FCHO2: variants seen among roughly 807,000 people sequenced by gnomAD.
FCHO2 encodes the protein FCH and mu domain containing endocytic adaptor 2, also known as F-BAR domain only protein 2.
A neutral mutation model predicts 114.1 loss-of-function variants in FCHO2; 43 were observed. The observed-to-expected ratio is 0.38, with a 90% CI of 0.30 to 0.49. The LOEUF (loss-of-function observed/expected upper bound fraction) is 0.49, where lower values mean the gene tolerates loss of function less well. FCHO2 is among the 20% of genes least tolerant of loss of function. FCHO2 has a pLI of 0.97. For missense variants in FCHO2, 807 were observed against 950.4 expected (o/e 0.85, Z 1.98); for synonymous variants, 293 against 315.2 (o/e 0.93, Z 0.75).
intron 8 of FCHO2, among the ~76,000 whole-genome samples, chr5:73,018,210 C>T (rs1446538826): frequency 6.6e-6 from 1 of 152,182 alleles, no homozygotes; most frequent in Non-Finnish European, 1.5e-5. Context: ...ATTTCTTCTT[C>T]CCAAATTTCA....
intron 16 of FCHO2, 31 bp from the exon 17 acceptor site, chr5:73,058,402 A>C: frequency 6.8e-7 from 1 of 1,473,378 alleles, no homozygotes; most frequent in South Asian, 1.3e-5. Flanking sequence ...TATTCTCGTT[A>C]AAATTTTTGC....
intron 13 of FCHO2, among the ~76,000 whole-genome samples, chr5:73,053,632 G>A (rs1196885678): frequency 6.6e-6 from 1 of 151,700 alleles, no homozygotes; most frequent in Non-Finnish European, 1.5e-5. Context: ...TGAGGCGGAG[G>A]TTGAAGTGAG....
chr5:73,065,093 C>T (rs1030228031), intron 18 of FCHO2, among the ~76,000 whole-genome samples: 4 of 151,856 alleles, frequency 2.6e-5, no homozygotes, highest in East Asian at 1.9e-4. Flanking sequence ...TGAAAAGCTT[C>T]GGCACCAAGT....
At position 72,997,047 on chromosome 5, in the gene FCHO2, A is replaced by G; in HGVS notation, c.495+6183A>G. 4.5e-6 allele frequency: 6 copies of G among 1,343,610 alleles called. No individual in the cohort carries two copies. The East Asian group carries it at 9.2e-5, about 21-fold the overall frequency. The allele number at this position is 1,343,610 out of a possible 1,614,324, so 83.2% of individuals were successfully genotyped here. A position where few individuals can be genotyped will look rare whatever the true frequency, so the allele number is the denominator to read the frequency against. On this transcript the variant is annotated intron_variant, in intron 5 of 25. Transcript: ENST00000430046. The stretch of plus-strand genomic sequence containing the variant: ...ATTCAGCACCAAACTGTTCGATATG[A>G]TATCATCCCCTTATCTTCTTGTCCT...
intron 2 of FCHO2, among the ~76,000 whole-genome samples, chr5:72,973,406 C>G (rs1364507787): frequency 6.6e-6 from 1 of 152,116 alleles, no homozygotes; most frequent in Non-Finnish European, 1.5e-5. Flanking sequence ...TTCAGAGATT[C>G]AACTTCTTCC....
intron 8 of FCHO2, among the ~76,000 whole-genome samples, chr5:73,018,146 A>G (rs1029217252): frequency 6.6e-6 from 1 of 152,186 alleles, no homozygotes; most frequent in Non-Finnish European, 1.5e-5. Context: ...TTTGGGAACC[A>G]TATTTCCTCA....
chr5:73,014,892 C>T (rs1755216817), intron 6 of FCHO2, among the ~76,000 whole-genome samples: 1 of 151,654 alleles, frequency 6.6e-6, no homozygotes, highest in Non-Finnish European at 1.5e-5. Flanking sequence ...TCCTGGCTAA[C>T]ACGGTGAAAC....
rs747107283 is a variant in FCHO2, at chr5:73,058,534, T to C, written c.1345+10T>C. ...ACTTCATCATCATCAGGTAAATATA[T>C]ATATGTATATATGTATTTTTTTAAA... On this transcript the variant is annotated intron_variant, in intron 17 of 25. Coordinates refer to ENST00000430046, the MANE Select transcript of FCHO2 (RefSeq NM_138782.3). The C allele has an allele frequency of 1.0e-6, 1 of 983,504 alleles. No homozygotes were observed. The highest frequency in any genetic ancestry group is 2.3e-5 in the South Asian group (1 of 43,412). The allele number at this position is 983,504 out of a possible 1,614,324, so 60.9% of individuals were successfully genotyped here.
chr5:73,066,608 T>G (rs1742345250), intron 18 of FCHO2, among the ~76,000 whole-genome samples: 1 of 144,138 alleles, frequency 6.9e-6, no homozygotes, highest in African/African-American at 2.5e-5. Context: ...TGCTCATATG[T>G]GCATTTTTCT....
rs368819111 is a variant in FCHO2, at chr5:73,046,482, T to C, written c.940-4867T>C. On this transcript the variant is annotated intron_variant, in intron 11 of 25. Coordinates refer to ENST00000430046, the MANE Select transcript of FCHO2 (RefSeq NM_138782.3). ...TTATTAAATTATTACATTGTGCATTTAGTGTATTCTCTAAACAAATGGTGT... is the reference window on the plus strand; with the variant it reads ...TTATTAAATTATTACATTGTGCATTCAGTGTATTCTCTAAACAAATGGTGT... 6.2e-3 allele frequency among the ~76,000 whole-genome samples: 951 copies of C among 152,302 alleles called. 7 individuals are homozygous for C. The highest frequency in any genetic ancestry group is 9.5e-3 in the Non-Finnish European group (644 of 68,022).
At position 73,033,870 on chromosome 5, in the gene FCHO2, C is replaced by T. The variant is rs555314047; in HGVS notation, c.797-787C>T. Among the ~76,000 whole-genome samples, 164 of 152,234 alleles carry T rather than the reference C, an allele frequency of 1.1e-3. 1 individual carries two copies. The highest frequency in any genetic ancestry group is 3.9e-3 in the African/African-American group (161 of 41,556). ...GGCAATTAAGGCTAGTCTGAGCAGT[C>T]AGTCATTTCAGGGCTATTTTAATTG... On this transcript the variant is annotated intron_variant, in intron 8 of 25. Coordinates refer to ENST00000430046, the MANE Select transcript of FCHO2 (RefSeq NM_138782.3).
At chr5:72,987,152 C>T (rs572187620) in intron 2 of FCHO2, among the ~76,000 whole-genome samples, 7 of 151,220 alleles carry the variant, frequency 4.6e-5, no homozygotes, top group African/African-American at 1.5e-4. Context: ...CTGGGATTAC[C>T]GGCGTGAGCC....
intron 1 of FCHO2, among the ~76,000 whole-genome samples, chr5:72,956,866 CTCCCGG>C (rs1314906133): frequency 6.6e-6 from 1 of 151,956 alleles, no homozygotes; most frequent in Non-Finnish European, 1.5e-5. Context: ...ATTTCTCCGG[CTCCCGG>C]TGGAGTATTT....
chr5:73,004,130 G>C (rs1430323214), intron 5 of FCHO2, among the ~76,000 whole-genome samples: 2 of 151,044 alleles, frequency 1.3e-5, no homozygotes, highest in African/African-American at 4.9e-5. Flanking sequence ...GAAAATACAG[G>C]TATTAGAAGA....
At chr5:73,005,665 C>A (rs1222581488) in intron 5 of FCHO2, among the ~76,000 whole-genome samples, 3 of 152,120 alleles carry the variant, frequency 2.0e-5, no homozygotes, top group African/African-American at 7.2e-5. Context: ...CTTCAACCTA[C>A]AAACTACACA....
rs1756799820 is a variant in FCHO2, at chr5:73,041,393, G to A, written c.939+78G>A. 27 of 815,066 alleles carry A rather than the reference G, an allele frequency of 3.3e-5. No homozygotes were observed. The South Asian group carries it at 4.5e-4, about 14-fold the overall frequency. 50.5% of individuals were successfully genotyped at this position (815,066 alleles called of 1,614,324 possible). A position where few individuals can be genotyped will look rare whatever the true frequency, so the allele number is the denominator to read the frequency against. The stretch of plus-strand genomic sequence containing the variant: ...GACAAACCTAACACATTTGAGTTGA[G>A]TTGTTACCAGTCTTTCAAAGAAAAA... On this transcript the variant is annotated intron_variant, in intron 11 of 25. Transcript: ENST00000430046.
chr5:73,032,149 G>A (rs545401374), intron 8 of FCHO2, among the ~76,000 whole-genome samples: 1 of 152,320 alleles, frequency 6.6e-6, no homozygotes, highest in African/African-American at 2.4e-5. Flanking sequence ...CACTGAGCCA[G>A]GCACGCAAAG....
chr5:73,035,345 G>T (rs1255566558), intron 9 of FCHO2, among the ~76,000 whole-genome samples: 2 of 152,046 alleles, frequency 1.3e-5, no homozygotes, highest in Non-Finnish European at 2.9e-5. Flanking sequence ...CTGGAGCCTG[G>T]GAGGAGGAGT....
intron 2 of FCHO2, among the ~76,000 whole-genome samples, chr5:72,969,698 G>T (rs545449521): frequency 1.3e-5 from 2 of 152,246 alleles, no homozygotes; most frequent in African/African-American, 4.8e-5. Flanking sequence ...TCCTTCCTTT[G>T]CCCAGAATCT....
Sources: allele counts gnomAD v4.1 joint callset (sites outside exome capture counted in the v4.1 genomes callset), GRCh38; gene constraint gnomAD v4.1.1; transcripts MANE v1.5; gene names NCBI Gene and HGNC (gene_info 2026-07-23, HGNC 2026-07-21).